ITGAM: variants seen among roughly 807,000 people sequenced by gnomAD.
ITGAM encodes integrin subunit alpha M, also known as integrin alpha-M.
Under a neutral mutation model 137.5 loss-of-function variants are expected in ITGAM, and 79 were observed. The observed-to-expected ratio is 0.57, with a 90% CI of 0.48 to 0.69. The LOEUF is 0.69. ITGAM is among the 30% of genes least tolerant of loss of function. The pLI is 0.00. For synonymous variants in ITGAM, 583 were observed against 592.3 expected, an observed-to-expected ratio of 0.98 and a Z score of 0.23; for missense variants, 1,343 against 1,483.5, an observed-to-expected ratio of 0.91 and a Z score of 1.56.
intron 22 of ITGAM, among the ~76,000 whole-genome samples, chr16:31,327,712 C>T (rs2080523091): frequency 6.6e-6 from 1 of 152,026 alleles, no homozygotes; most frequent in Non-Finnish European, 1.5e-5. Flanking sequence ...GAAGCAGATA[C>T]CAGGGACGGG....
At position 31,330,562 on chromosome 16, in the gene ITGAM, T is replaced by G; in HGVS notation, c.3233T>G (p.Val1078Gly). Residue 1078 changes from valine to glycine, a missense_variant, in exon 28 of 30, where the codon GTG becomes GGG. Val to Gly is a moderately radical substitution (Grantham distance 109). Coordinates refer to ENST00000544665, the MANE Select transcript of ITGAM (RefSeq NM_000632.4). ...GCTGAGATCTTGTTTAACGATTCCG[T>G]GTTCACCCTGCTGCCGGGACAGGGG... is the stretch of plus-strand genomic sequence containing the variant. ...STAEILFNDS[V>G]FTLLPGQGAF... 6.2e-7 allele frequency: 1 copy of G among 1,613,278 alleles called. No homozygotes were observed. The highest frequency in any genetic ancestry group is 1.1e-5 in the South Asian group (1 of 91,008).
chr16:31,277,890 C>T, intron 11 of ITGAM, 77 bp from the exon 12 acceptor site: 1 of 1,467,544 alleles, frequency 6.8e-7, no homozygotes, highest in Non-Finnish European at 9.2e-7. Flanking sequence ...GCCCCAGTGC[C>T]CCTACTCAAG....
At position 31,262,390 on chromosome 16, in the gene ITGAM, T is replaced by TCCTTCCTG. The variant is rs1555463873; in HGVS notation, c.134+600_134+601insGCCTTCCT. On this transcript the variant is annotated intron_variant, in intron 2 of 29. Coordinates refer to ENST00000544665, the MANE Select transcript of ITGAM (RefSeq NM_000632.4). Reference sequence around the variant, plus strand: ...TTCCTTCCTTCCTTCCTTCCTTCCTTCCTTCCTTCCTTCATTTCTTTCTTT... The same window carrying TCCTTCCTG: ...TTCCTTCCTTCCTTCCTTCCTTCCTTCCTTCCTGCCTTCCTTCCTTCATTTCTTTCTTT... Among the ~76,000 whole-genome samples the TCCTTCCTG allele has an allele frequency of 9.2e-3, 1,298 of 141,490 alleles. 61 individuals carry two copies. Among genetic ancestry groups the TCCTTCCTG allele is most frequent in the African/African-American group, 0.035 (1,229 of 35,576 alleles). The allele number at this position is 141,490 out of a possible 152,430, so 92.8% of individuals were successfully genotyped here.
At chr16:31,272,894 C>T (rs1379928666) in intron 7 of ITGAM, among the ~76,000 whole-genome samples, 1 of 152,008 alleles carries the variant, frequency 6.6e-6, no homozygotes, top group Non-Finnish European at 1.5e-5. Context: ...TTTTCCAGGT[C>T]TCGGGGCAGT....
intron 12 of ITGAM, among the ~76,000 whole-genome samples, chr16:31,284,001 C>T (rs2079998943): frequency 6.6e-6 from 1 of 152,264 alleles, no homozygotes; most frequent in East Asian, 1.9e-4. Context: ...CACTCCAGAC[C>T]CTGTTTTCCT....
At chr16:31,279,451 C>T (rs2079944509) in intron 12 of ITGAM, among the ~76,000 whole-genome samples, 1 of 152,142 alleles carries the variant, frequency 6.6e-6, no homozygotes, top group Admixed American at 6.5e-5. Flanking sequence ...GAGATAGTAT[C>T]TCACTGTGAT....
intron 25 of ITGAM, 22 bp from the exon 26 acceptor site, chr16:31,330,059 C>G (rs1356721262): frequency 6.2e-7 from 1 of 1,610,196 alleles, no homozygotes; most frequent in South Asian, 1.1e-5. Flanking sequence ...TCTGCCCCTT[C>G]TCAGTGCGTC....
In ITGAM at chr16:31,328,176, C is replaced by T. The variant is rs757468672; in HGVS notation, c.2738C>T (p.Thr913Ile). The change falls in exon 23 of 30, where the codon ACC becomes ATC. Residue 913 changes from threonine (T) to isoleucine (I), a missense_variant. Coordinates refer to ENST00000544665, the MANE Select transcript of ITGAM (RefSeq NM_000632.4). ...AACAACATGCCCAGAACCAACAAAA[C>T]CGAATTCCAACTGGAGCTGCCGGTG... is the stretch of plus-strand genomic sequence containing the variant. ...SENNMPRTNK[T>I]EFQLELPVKY... is the part of the protein sequence containing the mutation. 2.0e-5 allele frequency: 33 copies of T among 1,613,944 alleles called. No homozygotes were observed. The South Asian group carries it at 3.3e-4, about 16-fold the overall frequency.
chr16:31,304,457 CT>C (rs1177043241), intron 14 of ITGAM, among the ~76,000 whole-genome samples: 1 of 152,092 alleles, frequency 6.6e-6, no homozygotes, highest in Non-Finnish European at 1.5e-5. Context: ...TGTGCAGAAG[CT>C]TTTTAGTTTA....
intron 1 of ITGAM, 80 bp from the exon 2 acceptor site, chr16:31,261,612 C>T (rs2079699846): frequency 4.8e-6 from 4 of 828,836 alleles, no homozygotes; most frequent in Non-Finnish European, 8.1e-6. Context: ...CCTGCCTCAG[C>T]CCTCCAAAGT....
At chr16:31,302,643 T>C (rs756477391) in intron 14 of ITGAM, among the ~76,000 whole-genome samples, 2 of 151,700 alleles carry the variant, frequency 1.3e-5, no homozygotes, top group Non-Finnish European at 2.9e-5. Context: ...CAAGCTATTC[T>C]CTTGCCTCAG....
At chr16:31,271,121 C>T (rs371878342) in intron 6 of ITGAM, 37 bp downstream of exon 6, 64 of 1,463,254 alleles carry the variant, frequency 4.4e-5, no homozygotes, top group Middle Eastern at 2.0e-4. Context: ...AGAGCCCACA[C>T]GGGGCTGGAA....
At chr16:31,318,112 T>A (rs2080410390) in intron 14 of ITGAM, among the ~76,000 whole-genome samples, 1 of 152,192 alleles carries the variant, frequency 6.6e-6, no homozygotes, top group Non-Finnish European at 1.5e-5. Context: ...TAGATCTGTT[T>A]AAACTTTCTA....
chr16:31,270,183 CTTTCCT>C, intron 5 of ITGAM, among the ~76,000 whole-genome samples: 1 of 145,638 alleles, frequency 6.9e-6, no homozygotes, highest in Non-Finnish European at 1.5e-5. Context: ...CTTTCCTTTC[CTTTCCT>C]TTTTTTCTTC....
intron 27 of ITGAM, 26 bp downstream of exon 27, chr16:31,330,447 G>C: frequency 2.5e-6 from 4 of 1,610,330 alleles, no homozygotes; most frequent in Non-Finnish European, 3.4e-6. Flanking sequence ...AGGCTTCGCC[G>C]GGCACAGGCG....
At chr16:31,276,867 C>G in intron 10 of ITGAM, 53 bp from the exon 11 acceptor site, 1 of 1,593,772 alleles carries the variant, frequency 6.3e-7, no homozygotes, top group Non-Finnish European at 8.6e-7. Flanking sequence ...CTGTGAGGGG[C>G]AGCGGTTGTC....
At chr16:31,313,996 T>C (rs534936419) in intron 14 of ITGAM, among the ~76,000 whole-genome samples, 1 of 152,324 alleles carries the variant, frequency 6.6e-6, no homozygotes, top group Admixed American at 6.5e-5. Flanking sequence ...GCTTTTTTTT[T>C]TCATATGTTT....
rs771862568 is a variant in ITGAM at position 31,324,459 on chromosome 16, G to A, written c.2063G>A (p.Arg688His). 7.7e-6 allele frequency: 12 copies of A among 1,563,584 alleles called. No individual in the cohort carries two copies. The highest frequency in any genetic ancestry group is 1.9e-5 in the Admixed American group (1 of 51,902). The part of the protein sequence containing the change: ...LALDSGRPHS[R>H]AVFNETKNST... ...CTGGACTCCGGCCGCCCACATTCCC[G>A]CGCCGTCTTCAATGAGACAAAGAAC... is the stretch of plus-strand genomic sequence containing the variant. The change falls in exon 17 of 30, where the codon CGC becomes CAC. Residue 688 changes from arginine (R) to histidine (H), a missense_variant. Transcript: ENST00000544665. This position sits in a 1 kb window ranked among gnomAD's most constrained non-coding sequence, Gnocchi z 4.5.
chr16:31,287,914 A>G (rs1370608789), intron 12 of ITGAM, among the ~76,000 whole-genome samples: 1 of 152,180 alleles, frequency 6.6e-6, no homozygotes, highest in Non-Finnish European at 1.5e-5. Context: ...TCAGGACCAC[A>G]TGAGGAAGGC....
Sources: gnomAD v4.1 joint callset for allele counts (sites outside exome capture counted in the v4.1 genomes callset) on GRCh38, gnomAD v4.1.1 for gene constraint, Gnocchi (gnomAD v3.1) non-coding constraint, MANE v1.5 for transcripts, NCBI Gene and HGNC (gene_info 2026-07-23, HGNC 2026-07-21) for gene names.